CTH: variants seen among roughly 807,000 people sequenced by gnomAD.
CTH encodes cystathionase (cystathionine gamma-lyase).
In CTH, 41 loss-of-function variants were observed where a neutral mutation model predicts 50.6. That is an observed-to-expected ratio of 0.81 (90% CI 0.63 to 1.05). CTH has a LOEUF of 1.05. Ranked by LOEUF, CTH falls within the 50% of genes least tolerant of loss-of-function variation. CTH has a pLI of 0.00. For synonymous variants in CTH, 156 were observed against 168.9 expected, an observed-to-expected ratio of 0.92 and a Z score of 0.59; for missense variants, 470 against 492.6, an observed-to-expected ratio of 0.95 and a Z score of 0.43.
chr1:70,429,667 G>C (rs1684421123), intron 5 of CTH, 127 bp from the exon 6 acceptor site: 1 of 688,278 alleles, frequency 1.5e-6, no homozygotes, highest in Non-Finnish European at 2.6e-6. Flanking sequence ...AAAATTTTAA[G>C]ATGCACATAC....
intron 1 of CTH, among the ~76,000 whole-genome samples, chr1:70,412,206 T>C (rs558414065): frequency 7.7e-4 from 117 of 152,230 alleles, no homozygotes; most frequent in Non-Finnish European, 1.5e-3. Flanking sequence ...TTGAGGTTGC[T>C]TTAGGAACCA....
chr1:70,424,347 A>G lies in CTH; in HGVS notation c.519A>G (p.Ala173=). The change falls in exon 5 of 12, where the codon GCA becomes GCG. Residue 173 remains alanine, a synonymous_variant. Transcript: ENST00000370938. ...TQKVIDIEGC[A]HIVHKHGDII... ...AGGTGATTGACATTGAAGGCTGTGC[A>G]CATATTGTCCATAAGCATGGAGACA... The G allele has an allele frequency of 6.2e-7, 1 of 1,614,192 alleles. No homozygotes were observed. Among genetic ancestry groups the G allele is most frequent in the Non-Finnish European group, 8.5e-7 (1 of 1,180,022 alleles).
chr1:70,433,779 A>G, intron 8 of CTH, 49 bp from the exon 9 acceptor site: 1 of 1,607,910 alleles, frequency 6.2e-7, no homozygotes, highest in Middle Eastern at 1.7e-4. Flanking sequence ...CCCCCCAAAA[A>G]TTACATGTTT....
In CTH at chr1:70,419,328, G is replaced by A; in HGVS notation, c.346+1296G>A. On this transcript the variant is annotated intron_variant, in intron 3 of 11. Transcript: ENST00000370938. ...TAGCAGCATGATTTATAATCCTTTG[G>A]GTATATACCCAGTAATGGGATGGCT... is the stretch of plus-strand genomic sequence containing the variant. 1.3e-5 allele frequency among the ~76,000 whole-genome samples: 2 copies of A among 151,948 alleles called. 1 individual carries two copies. Among genetic ancestry groups the A allele is most frequent in the East Asian group, 3.9e-4 (2 of 5,190 alleles).
chr1:70,416,559 ATTTTTTTT>A (rs34806645), intron 2 of CTH, among the ~76,000 whole-genome samples: 3 of 115,654 alleles, frequency 2.6e-5, no homozygotes, highest in Admixed American at 1.8e-4. Flanking sequence ...CACCCTGCTA[ATTTTTTTT>A]TTTTTTTTTT....
chr1:70,417,148 A>T (rs2101730816), intron 2 of CTH, among the ~76,000 whole-genome samples: 1 of 152,190 alleles, frequency 6.6e-6, no homozygotes, highest in Admixed American at 6.5e-5. Context: ...AGTCTTGTGT[A>T]TTCATTGTGA....
chr1:70,413,259 CTTTT>C (rs11295998), intron 1 of CTH, among the ~76,000 whole-genome samples: 29 of 139,202 alleles, frequency 2.1e-4, no homozygotes, highest in African/African-American at 7.4e-4. Context: ...TTCTTTCTTT[CTTTT>C]TTTTTTTTTT....
intron 4 of CTH, among the ~76,000 whole-genome samples, chr1:70,422,272 G>C (rs577386110): frequency 9.2e-5 from 14 of 152,250 alleles, no homozygotes; most frequent in South Asian, 8.3e-4. Flanking sequence ...CTTCCATCCT[G>C]GGAAATTTGT....
At chr1:70,419,201 A>G (rs1162845700) in intron 3 of CTH, among the ~76,000 whole-genome samples, 1 of 151,694 alleles carries the variant, frequency 6.6e-6, no homozygotes, top group Non-Finnish European at 1.5e-5. Flanking sequence ...TATGTGCCAC[A>G]TTTTCTTAAT....
chr1:70,411,404 TC>T lies in CTH; in HGVS notation c.-11del, dbSNP rs747296889. ...GGTGTTCTTTTCCTCTCTTCTTCTT[TC>T]GCGGTTCAGCATGCAGGAAAAAGAC... On this transcript the variant is annotated 5_prime_UTR_variant, in exon 1 of 12. Transcript: ENST00000370938. 9.9e-6 allele frequency: 16 copies of T among 1,613,828 alleles called. No individual in the cohort carries two copies. In the African/African-American group the frequency reaches 2.0e-4, roughly 20 times the overall value.
chr1:70,418,075 A>G, intron 3 of CTH, 43 bp downstream of exon 3: 2 of 1,601,850 alleles, frequency 1.2e-6, no homozygotes, highest in South Asian at 1.1e-5. Context: ...CTTGTATTTT[A>G]CAGATAATAA....
rs368097625 is a variant in CTH, at chr1:70,432,222, G to A, written c.864G>A (p.Lys288=). ...TGGAATCTAATCCTTGGGTAGAAAA[G>A]GTTATTTATCCTGGTATGTTAATTT... is the stretch of plus-strand genomic sequence containing the variant. ...QFLESNPWVE[K]VIYPGLPSHP... is the part of the protein sequence containing the mutation. Residue 288 remains lysine (K), a synonymous_variant, in exon 8 of 12, where the codon AAG becomes AAA. Coordinates refer to ENST00000370938, the MANE Select transcript of CTH (RefSeq NM_001902.6). The A allele has an allele frequency of 6.9e-4, 1,119 of 1,614,142 alleles. 5 individuals carry two copies. The highest frequency in any genetic ancestry group is 3.2e-3 in the South Asian group (294 of 91,078).
At position 70,414,554 on chromosome 1, in the gene CTH, A is replaced by G. The variant is rs144468210; in HGVS notation, c.169-1402A>G. ...AAGGGCACATAGCAACAAAACTTTT[A>G]GAAGTTATTGTTGTTAATACTGGGA... On this transcript the variant is annotated intron_variant, in intron 1 of 11. Coordinates refer to ENST00000370938, the MANE Select transcript of CTH (RefSeq NM_001902.6). Among the ~76,000 whole-genome samples, 421 of 152,262 alleles carry G rather than the reference A, an allele frequency of 2.8e-3. 20 individuals carry two copies. The East Asian group carries it at 0.061, about 22-fold the overall frequency.
intron 2 of CTH, among the ~76,000 whole-genome samples, chr1:70,417,387 C>A (rs573073272): frequency 1.3e-5 from 2 of 151,940 alleles, no homozygotes; most frequent in Admixed American, 1.3e-4. Context: ...TGGGTTCAAG[C>A]GATTCTCCTG....
At chr1:70,411,752 C>A in intron 1 of CTH, 169 bp downstream of exon 1, 1 of 885,510 alleles carries the variant, frequency 1.1e-6, no homozygotes, top group Non-Finnish European at 1.4e-6. Context: ...TCGGATGGTC[C>A]AGTGATCGTA....
intron 2 of CTH, 56 bp from the exon 3 acceptor site, chr1:70,417,881 T>C: frequency 6.3e-7 from 1 of 1,589,592 alleles, no homozygotes; most frequent in Non-Finnish European, 8.6e-7. Flanking sequence ...CTTGGAGGTG[T>C]GTTGTAACCT....
In CTH at chr1:70,418,031, A is replaced by G; in HGVS notation, c.345A>G (p.Gly115=). ...TTATTTGTATGGATGATGTGTATGG[A>G]GGTAGGTGACCCCTCTCATTTATAT... is the stretch of plus-strand genomic sequence containing the variant. ...DQIICMDDVY[G]GTNRYFRQVA... The change falls in exon 3 of 12, where the codon GGA becomes GGG. Residue 115 remains glycine, a splice_region_variant and synonymous_variant. Coordinates refer to ENST00000370938, the MANE Select transcript of CTH (RefSeq NM_001902.6). The G allele has an allele frequency of 6.2e-7, 1 of 1,614,092 alleles. No homozygotes were observed. The highest frequency in any genetic ancestry group is 8.5e-7 in the Non-Finnish European group (1 of 1,179,954).
At chr1:70,416,085 G>C in intron 2 of CTH, 48 bp downstream of exon 2, 2 of 1,113,596 alleles carry the variant, frequency 1.8e-6, no homozygotes. Flanking sequence ...TAAATGTATA[G>C]AGAAAACCAT....
intron 3 of CTH, 108 bp downstream of exon 3, chr1:70,418,140 T>G (rs1487145440): frequency 1.5e-5 from 21 of 1,359,780 alleles, no homozygotes; most frequent in Non-Finnish European, 2.1e-5. Context: ...TTATTTATTA[T>G]AGTTTACAGG....
Sources: allele counts gnomAD v4.1 joint callset (sites outside exome capture counted in the v4.1 genomes callset), GRCh38; gene constraint gnomAD v4.1.1; transcripts MANE v1.5; gene names NCBI Gene and HGNC (gene_info 2026-07-23, HGNC 2026-07-21).